Variants in PDE3A observed in about 807,000 individuals in gnomAD.
The protein encoded by PDE3A is phosphodiesterase 3A.
A neutral mutation model predicts 98.3 loss-of-function variants in PDE3A; 43 were observed. The ratio of observed to expected loss-of-function variants is 0.44; its 90% CI spans 0.34 to 0.56. The LOEUF (loss-of-function observed/expected upper bound fraction) is 0.56, where lower values mean the gene tolerates loss of function less well. PDE3A is among the 20% of genes least tolerant of loss of function. PDE3A has a pLI of 0.01. For synonymous variants in PDE3A, 663 were observed against 567.9 expected (o/e 1.17, Z -2.38); for missense variants, 1,427 against 1,440.7 (o/e 0.99, Z 0.15).
intron 1 of PDE3A, among the ~76,000 whole-genome samples, chr12:20,488,903 A>G (rs993500112): frequency 2.0e-5 from 3 of 151,728 alleles, no homozygotes; most frequent in African/African-American, 7.3e-5. Context: ...AAAGAGAAAA[A>G]GAAGCAGTTC....
At chr12:20,662,564 T>C (rs4393370) in intron 15 of PDE3A, among the ~76,000 whole-genome samples, 150,752 of 152,298 alleles carry the variant, frequency 0.99, 74,630 homozygotes, top group Middle Eastern at 1. Context: ...GGCATTTTGC[T>C]CTAGCCCTAG....
chr12:20,520,158 C>T (rs530020408), intron 1 of PDE3A, among the ~76,000 whole-genome samples: 3 of 152,036 alleles, frequency 2.0e-5, no homozygotes, highest in Non-Finnish European at 4.4e-5. Flanking sequence ...AGTGTAGTAT[C>T]GCCAAGCACA....
rs532388359 is a variant in PDE3A, at chr12:20,477,648, G to A, written c.961-79012G>A. Among the ~76,000 whole-genome samples the A allele has an allele frequency of 3.3e-5, 5 of 152,252 alleles. 1 individual carries two copies. Among genetic ancestry groups the A allele is most frequent in the African/African-American group, 1.2e-4 (5 of 41,548 alleles). ...GAACATAAAAGGGAGTGAAGGATTT[G>A]TATATTTCAAGGTAATTAAAACATT... On this transcript the variant is annotated intron_variant, in intron 1 of 15. Transcript: ENST00000359062.
intron 5 of PDE3A, among the ~76,000 whole-genome samples, chr12:20,624,923 C>T (rs1162402704): frequency 2.6e-5 from 4 of 152,142 alleles, no homozygotes; most frequent in African/African-American, 4.8e-5. Flanking sequence ...AGAGCCCCCT[C>T]GTGGCAAAGA....
At chr12:20,395,090 C>A (rs867782159) in intron 1 of PDE3A, among the ~76,000 whole-genome samples, 3 of 151,982 alleles carry the variant, frequency 2.0e-5, no homozygotes, top group Non-Finnish European at 2.9e-5. Flanking sequence ...TCAAATACAG[C>A]GCAGTGATTA....
chr12:20,629,782 CAGCCCGGTGACCTG>C (rs1235289419), intron 5 of PDE3A, 112 bp from the exon 6 acceptor site: 1 of 701,174 alleles, frequency 1.4e-6, no homozygotes, highest in Non-Finnish European at 2.5e-6. Context: ...TGGAGGAGGC[CAGCCCGGTGACCTG>C]AGCAGGCACG....
At chr12:20,467,038 G>T (rs1945350969) in intron 1 of PDE3A, among the ~76,000 whole-genome samples, 1 of 152,026 alleles carries the variant, frequency 6.6e-6, no homozygotes. Context: ...TGGGTGGGTA[G>T]CCTTTTTTAT....
chr12:20,543,437 G>C (rs1442781360), intron 1 of PDE3A, among the ~76,000 whole-genome samples: 1 of 151,982 alleles, frequency 6.6e-6, no homozygotes, highest in African/African-American at 2.4e-5. Flanking sequence ...TGGCCCCAAA[G>C]AGTAGCCTTT....
chr12:20,648,359 A>G (rs1160940067), intron 12 of PDE3A, among the ~76,000 whole-genome samples: 1 of 150,490 alleles, frequency 6.6e-6, no homozygotes. Flanking sequence ...ATTTGTATAT[A>G]ATTTTTATGT....
intron 2 of PDE3A, among the ~76,000 whole-genome samples, chr12:20,603,207 A>G (rs1473625285): frequency 6.6e-6 from 1 of 152,132 alleles, no homozygotes; most frequent in Non-Finnish European, 1.5e-5. Context: ...TACACTGTTT[A>G]TTCGTCTCTT....
chr12:20,630,857 T>C (rs1469248611), intron 6 of PDE3A, among the ~76,000 whole-genome samples: 1 of 152,148 alleles, frequency 6.6e-6, no homozygotes, highest in Non-Finnish European at 1.5e-5. Flanking sequence ...CAGTTGAGTG[T>C]TTTTAACTAT....
At position 20,615,793 on chromosome 12, in the gene PDE3A, T is replaced by G. The variant is rs185078678; in HGVS notation, c.1270-437T>G. On this transcript the variant is annotated intron_variant, in intron 3 of 15. Transcript: ENST00000359062. ...CAGGCTGGAGTGCAGTGGTGTGATC[T>G]CAGCTCACTGCAACCTCCGCCTCCC... Among the ~76,000 whole-genome samples, 168 of 152,242 alleles carry G rather than the reference T, an allele frequency of 1.1e-3. 1 individual carries two copies. The highest frequency in any genetic ancestry group is 3.8e-3 in the African/African-American group (159 of 41,548).
chr12:20,478,667 C>T (rs1052138126), intron 1 of PDE3A, among the ~76,000 whole-genome samples: 6 of 152,130 alleles, frequency 3.9e-5, no homozygotes, highest in South Asian at 4.1e-4. Context: ...TAATGCTTTT[C>T]GTCCACCTGT....
chr12:20,370,298 C>A, intron 1 of PDE3A, 54 bp downstream of exon 1: 2 of 1,467,468 alleles, frequency 1.4e-6, no homozygotes, highest in Non-Finnish European at 1.8e-6. Context: ...CACTTGGCAA[C>A]CGGCGCAGAG....
chr12:20,588,669 T>C (rs1565440278), intron 2 of PDE3A, among the ~76,000 whole-genome samples: 1 of 152,086 alleles, frequency 6.6e-6, no homozygotes, highest in Non-Finnish European at 1.5e-5. Context: ...TTTTGCCCCA[T>C]GCTGCCTTGT....
intron 1 of PDE3A, among the ~76,000 whole-genome samples, chr12:20,455,130 T>A (rs935838609): frequency 2.0e-5 from 3 of 152,218 alleles, no homozygotes; most frequent in Admixed American, 2.0e-4. Flanking sequence ...ATCTGTTACT[T>A]TTTGACTTTT....
chr12:20,515,789 G>T (rs1324177957), intron 1 of PDE3A, among the ~76,000 whole-genome samples: 1 of 142,588 alleles, frequency 7.0e-6, no homozygotes, highest in African/African-American at 2.7e-5. Context: ...CTGGAGTGCA[G>T]TGGCGGGATC....
At position 20,552,003 on chromosome 12, in the gene PDE3A, C is replaced by T; in HGVS notation, c.961-4657C>T. ...ATGGCCGGAGCAACGACGGAGCGTACTCCCTAGTCCTGGCGGGGGGCTACG... is the reference window on the plus strand; with the variant it reads ...ATGGCCGGAGCAACGACGGAGCGTATTCCCTAGTCCTGGCGGGGGGCTACG... On this transcript the variant is annotated intron_variant, in intron 1 of 15. Transcript: ENST00000359062. The surrounding 1 kb of genome is among the most constrained non-coding windows in gnomAD (Gnocchi z 5.1). The T allele has an allele frequency of 1.2e-6, 2 of 1,612,550 alleles. No homozygotes were observed. Among genetic ancestry groups the T allele is most frequent in the Non-Finnish European group, 1.7e-6 (2 of 1,179,906 alleles).
intron 1 of PDE3A, among the ~76,000 whole-genome samples, chr12:20,525,301 A>G (rs952764311): frequency 6.6e-6 from 1 of 152,208 alleles, no homozygotes; most frequent in African/African-American, 2.4e-5. Flanking sequence ...TTGTGTAGTC[A>G]TCATCGTTTA....
Sources: allele counts gnomAD v4.1 joint callset (sites outside exome capture counted in the v4.1 genomes callset), GRCh38; gene constraint gnomAD v4.1.1; non-coding constraint Gnocchi (gnomAD v3.1); transcripts MANE v1.5; gene names NCBI Gene and HGNC (gene_info 2026-07-23, HGNC 2026-07-21).